The following PTPRQ variants were observed in gnomAD, a reference collection of about 807,000 sequenced individuals.
The protein encoded by PTPRQ is phosphatidylinositol phosphatase PTPRQ.
PTPRQ carries 199 observed loss-of-function variants against 246.0 expected under a neutral mutation model. That is an observed-to-expected ratio of 0.81 (90% CI 0.72 to 0.91). The LOEUF (loss-of-function observed/expected upper bound fraction) is 0.91, where lower values mean the gene tolerates loss of function less well. Ranked by LOEUF, PTPRQ falls within the 40% of genes least tolerant of loss-of-function variation. The pLI, the probability that PTPRQ is intolerant of heterozygous loss-of-function variation, is 0.00. For synonymous variants in PTPRQ, 869 were observed against 853.2 expected (o/e 1.02, Z -0.32); for missense variants, 2,624 against 2,528.4 (o/e 1.04, Z -0.81).
chr12:80,478,283 A>T (rs1358393142), intron 8 of PTPRQ, among the ~76,000 whole-genome samples: 8 of 151,906 alleles, frequency 5.3e-5, no homozygotes, highest in South Asian at 4.2e-4. Context: ...GACACCTCAC[A>T]TGGCCAGGTA....
At chr12:80,587,419 T>G (rs1897656138) in intron 25 of PTPRQ, among the ~76,000 whole-genome samples, 1 of 152,164 alleles carries the variant, frequency 6.6e-6, no homozygotes, top group African/African-American at 2.4e-5. Flanking sequence ...TTTCTAACCA[T>G]AACATGTGTA....
At chr12:80,639,274 G>A (rs1163036) in intron 35 of PTPRQ, among the ~76,000 whole-genome samples, 52,040 of 152,022 alleles carry the variant, frequency 0.34, 14,265 homozygotes, top group African/African-American at 0.76. Flanking sequence ...TCTTCTTTCC[G>A]CATTTAAGTC....
intron 23 of PTPRQ, 68 bp from the exon 24 acceptor site, chr12:80,546,488 G>A: frequency 7.0e-7 from 1 of 1,423,816 alleles, no homozygotes. Flanking sequence ...TAACTTCAAT[G>A]AAAATATTCC....
At chr12:80,594,121 A>G (rs760011507) in intron 26 of PTPRQ, among the ~76,000 whole-genome samples, 1 of 152,222 alleles carries the variant, frequency 6.6e-6, no homozygotes, top group Non-Finnish European at 1.5e-5. Context: ...AGGGCAAAGT[A>G]CACTTTAACA....
intron 39 of PTPRQ, among the ~76,000 whole-genome samples, chr12:80,658,646 C>T (rs1900525860): frequency 6.6e-6 from 1 of 152,054 alleles, no homozygotes. Flanking sequence ...TCATCCACTT[C>T]TTCCTAAGAC....
intron 12 of PTPRQ, 150 bp from the exon 13 acceptor site, chr12:80,495,849 C>T: frequency 5.3e-6 from 5 of 939,188 alleles, no homozygotes; most frequent in Non-Finnish European, 7.7e-6. Flanking sequence ...GCCTATAAGC[C>T]CAAGAATTTG....
chr12:80,582,991 G>A (rs899943077), intron 25 of PTPRQ, among the ~76,000 whole-genome samples: 2 of 152,046 alleles, frequency 1.3e-5, no homozygotes, highest in African/African-American at 2.4e-5. Flanking sequence ...TGCCTACTTC[G>A]CCCCTTCCCA....
At chr12:80,582,652 G>T (rs575114167) in intron 25 of PTPRQ, among the ~76,000 whole-genome samples, 15 of 152,290 alleles carry the variant, frequency 9.8e-5, no homozygotes, top group Middle Eastern at 3.4e-3. Context: ...GTTCCAGAAC[G>T]TTGAGAAATA....
At chr12:80,461,381 T>C (rs952656801) in intron 6 of PTPRQ, among the ~76,000 whole-genome samples, 3 of 152,072 alleles carry the variant, frequency 2.0e-5, no homozygotes, top group East Asian at 1.9e-4. Context: ...ATCTGAAAAA[T>C]AGAGACAGTA....
chr12:80,677,177 T>C (rs1901171396), intron 43 of PTPRQ, among the ~76,000 whole-genome samples: 1 of 152,180 alleles, frequency 6.6e-6, no homozygotes, highest in Admixed American at 6.5e-5. Flanking sequence ...TGACTTCACA[T>C]ATTTTTTTAA....
intron 8 of PTPRQ, among the ~76,000 whole-genome samples, chr12:80,482,203 C>A (rs964226710): frequency 6.7e-6 from 1 of 149,482 alleles, no homozygotes; most frequent in Non-Finnish European, 1.5e-5. Context: ...CAGAACAGAG[C>A]CCTCAGAAAT....
chr12:80,519,585 A>C (rs1895409292), intron 17 of PTPRQ, among the ~76,000 whole-genome samples: 1 of 152,144 alleles, frequency 6.6e-6, no homozygotes, highest in South Asian at 2.1e-4. Flanking sequence ...GGTTAGCTAA[A>C]CATACATATT....
intron 17 of PTPRQ, among the ~76,000 whole-genome samples, chr12:80,530,727 T>A (rs1895820205): frequency 1.3e-5 from 2 of 152,192 alleles, no homozygotes. Context: ...ACTATATTTA[T>A]AATATCCAGA....
chr12:80,449,614 A>G (rs1303959053), intron 3 of PTPRQ, among the ~76,000 whole-genome samples: 1 of 151,686 alleles, frequency 6.6e-6, no homozygotes, highest in Non-Finnish European at 1.5e-5. Flanking sequence ...TTTTCCCAGC[A>G]CCATTTATTA....
chr12:80,559,950 G>A (rs1341816403), intron 25 of PTPRQ, among the ~76,000 whole-genome samples: 1 of 152,164 alleles, frequency 6.6e-6, no homozygotes, highest in East Asian at 1.9e-4. Flanking sequence ...TCAACCTTGG[G>A]AACAAGGTGA....
Position 80,679,269 on chromosome 12 carries a change from GT to G in PTPRQ, c.*251del. 2.9e-6 allele frequency: 1 copy of G among 341,492 alleles called. No individual in the cohort carries two copies. The highest frequency in any genetic ancestry group is 5.1e-6 in the Non-Finnish European group (1 of 195,612). The allele number at this position is 341,492 out of a possible 1,614,324, so 21.2% of individuals were successfully genotyped here. A position where few individuals can be genotyped will look rare whatever the true frequency, so the allele number is the denominator to read the frequency against. On this transcript the variant is annotated 3_prime_UTR_variant, in exon 45 of 45. Coordinates refer to ENST00000644991, the MANE Select transcript of PTPRQ (RefSeq NM_001145026.2). ...ATGCTTAAGAAAAGACATCCCATAT[GT>G]TTTTGAAGTCCTCCATATTTTGGAA...
intron 19 of PTPRQ, among the ~76,000 whole-genome samples, chr12:80,535,502 G>T (rs373458376): frequency 1.3e-5 from 2 of 151,980 alleles, no homozygotes; most frequent in African/African-American, 4.8e-5. Context: ...AGCAGGAAGG[G>T]TTATTATAAT....
intron 14 of PTPRQ, among the ~76,000 whole-genome samples, chr12:80,500,347 C>T (rs1894759677): frequency 6.6e-6 from 1 of 151,924 alleles, no homozygotes; most frequent in South Asian, 2.1e-4. Flanking sequence ...CGTCATTACT[C>T]TTCAAAATCA....
intron 25 of PTPRQ, among the ~76,000 whole-genome samples, chr12:80,575,071 A>G (rs1897248088): frequency 6.6e-6 from 1 of 152,210 alleles, no homozygotes; most frequent in Admixed American, 6.5e-5. Context: ...AGAGTTCCTC[A>G]AGTTGGAATA....
Sources: gnomAD v4.1 joint callset for allele counts (sites outside exome capture counted in the v4.1 genomes callset) on GRCh38, gnomAD v4.1.1 for gene constraint, MANE v1.5 for transcripts, NCBI Gene and HGNC (gene_info 2026-07-23, HGNC 2026-07-21) for gene names.